RIMS1: variants seen among roughly 807,000 people sequenced by gnomAD.
RIMS1 encodes the protein regulating synaptic membrane exocytosis protein 1.
RIMS1 carries 83 observed loss-of-function variants against 214.1 expected under a neutral mutation model. The ratio of observed to expected loss-of-function variants is 0.39; its 90% CI spans 0.32 to 0.47. The LOEUF is 0.47. Ranked by LOEUF, RIMS1 falls within the 20% of genes least tolerant of loss-of-function variation. The pLI is 0.99. For synonymous variants in RIMS1, 793 were observed against 786.8 expected (o/e 1.01, Z -0.13); for missense variants, 2,050 against 2,161.8 (o/e 0.95, Z 1.03).
In RIMS1 at chr6:72,085,302, C is replaced by T. The variant is rs888981790; in HGVS notation, c.246-11647C>T. 3.3e-5 allele frequency among the ~76,000 whole-genome samples: 5 copies of T among 152,206 alleles called. No homozygotes were observed. The South Asian group carries it at 1.0e-3, about 32-fold the overall frequency. On this transcript the variant is annotated intron_variant, in intron 2 of 33. Transcript: ENST00000521978. ...ACATCTGGGGTAAATTTCTGAATTA[C>T]TGAGATATTTAGAATATTGCCTCTG...
rs957828027 is a variant in RIMS1 at position 72,010,932 on chromosome 6, C to G, written c.245+41869C>G. On this transcript the variant is annotated intron_variant, in intron 2 of 33. Transcript: ENST00000521978. ...GGTAATTTATAGATTCAATGCCATCCCCATCAAGCTACCAATGACTTTCTT... is the reference window on the plus strand; with the variant it reads ...GGTAATTTATAGATTCAATGCCATCGCCATCAAGCTACCAATGACTTTCTT... Among the ~76,000 whole-genome samples, 22 of 151,888 alleles carry G rather than the reference C, an allele frequency of 1.4e-4. No homozygotes were observed. The South Asian group carries it at 2.5e-3, about 17-fold the overall frequency.
intron 29 of RIMS1, among the ~76,000 whole-genome samples, chr6:72,356,281 G>A (rs62407520): frequency 0.05 from 7,615 of 151,548 alleles, 239 homozygotes; most frequent in South Asian, 0.088. Context: ...TTTGGAATTT[G>A]GAAATGTACT....
chr6:71,948,200 A>G (rs1788455921), intron 1 of RIMS1, among the ~76,000 whole-genome samples: 1 of 152,148 alleles, frequency 6.6e-6, no homozygotes, highest in African/African-American at 2.4e-5. Flanking sequence ...GGCCTCATAC[A>G]TATTACTAAA....
In RIMS1 at chr6:71,954,422, A is replaced by G. The variant is rs764241101; in HGVS notation, c.165-14561A>G. On this transcript the variant is annotated intron_variant, in intron 1 of 33. Coordinates refer to ENST00000521978, the MANE Select transcript of RIMS1 (RefSeq NM_014989.7). ...GCTTTAAAGCTCCTTTAAGATTTTC[A>G]TGTATATGAAACAATTCATCTTGAT... Among the ~76,000 whole-genome samples, 14 of 152,210 alleles carry G rather than the reference A, an allele frequency of 9.2e-5. 1 individual carries two copies. The highest frequency in any genetic ancestry group is 2.0e-4 in the Admixed American group (3 of 15,274).
At chr6:72,326,893 CAG>C (rs781599680) in intron 28 of RIMS1, among the ~76,000 whole-genome samples, 23 of 151,718 alleles carry the variant, frequency 1.5e-4, no homozygotes, top group Non-Finnish European at 3.1e-4. Context: ...CAGTCAAAGA[CAG>C]AGATATGACA....
intron 2 of RIMS1, among the ~76,000 whole-genome samples, chr6:72,042,092 A>C (rs1408662785): frequency 6.6e-6 from 1 of 151,976 alleles, no homozygotes; most frequent in Non-Finnish European, 1.5e-5. Flanking sequence ...GGTATCACGA[A>C]AACATTTTTT....
intron 2 of RIMS1, among the ~76,000 whole-genome samples, chr6:72,049,996 A>G (rs1034923381): frequency 6.6e-6 from 1 of 152,212 alleles, no homozygotes; most frequent in African/African-American, 2.4e-5. Flanking sequence ...TCTGCTTCCC[A>G]GAACTTACAG....
intron 1 of RIMS1, among the ~76,000 whole-genome samples, chr6:71,940,334 G>C (rs1785674031): frequency 6.6e-6 from 1 of 152,226 alleles, no homozygotes; most frequent in South Asian, 2.1e-4. Flanking sequence ...GCTAAACACA[G>C]GGTTCACACA....
chr6:72,018,402 G>A (rs950790702), intron 2 of RIMS1, among the ~76,000 whole-genome samples: 1 of 152,138 alleles, frequency 6.6e-6, no homozygotes. Context: ...GTTTGTGTGT[G>A]TGTGTTGGTA....
chr6:71,934,898 G>A (rs1248256967), intron 1 of RIMS1, among the ~76,000 whole-genome samples: 3 of 152,156 alleles, frequency 2.0e-5, no homozygotes, highest in Admixed American at 2.0e-4. Flanking sequence ...TAGAATTAAT[G>A]TGTATTTGTG....
At chr6:72,253,464 T>A (rs1350803308) in intron 16 of RIMS1, among the ~76,000 whole-genome samples, 3 of 152,208 alleles carry the variant, frequency 2.0e-5, no homozygotes, top group Non-Finnish European at 4.4e-5. Context: ...CTCATCTGAC[T>A]TCTGTCAGAA....
chr6:72,275,120 GTATATATATATATATATATATATATA>G (rs10526446), intron 23 of RIMS1, among the ~76,000 whole-genome samples: 6,903 of 81,394 alleles, frequency 0.085, 706 homozygotes, highest in Admixed American at 0.16. Flanking sequence ...CTATTTTATG[GTATATATATATATATATATATATATA>G]TATATATATA....
intron 8 of RIMS1, among the ~76,000 whole-genome samples, chr6:72,236,747 C>T (rs996057762): frequency 2.8e-5 from 4 of 140,934 alleles, no homozygotes; most frequent in African/African-American, 1.0e-4. Context: ...TTGGGTCACA[C>T]TTAAAGTACA....
intron 30 of RIMS1, among the ~76,000 whole-genome samples, chr6:72,392,258 A>C (rs1411130085): frequency 2.6e-5 from 4 of 152,252 alleles, no homozygotes; most frequent in Non-Finnish European, 5.9e-5. Flanking sequence ...GAATCAATTA[A>C]ATGTTTATAA....
At chr6:72,287,668 T>C (rs2092598751) in intron 24 of RIMS1, among the ~76,000 whole-genome samples, 1 of 151,804 alleles carries the variant, frequency 6.6e-6, no homozygotes, top group Non-Finnish European at 1.5e-5. Flanking sequence ...CGATGTTGGC[T>C]CACTGCAGCC....
At chr6:71,970,115 C>A (rs577192484) in intron 2 of RIMS1, among the ~76,000 whole-genome samples, 8 of 152,032 alleles carry the variant, frequency 5.3e-5, no homozygotes, top group Non-Finnish European at 1.0e-4. Flanking sequence ...GGTTTTACCC[C>A]AATAAGTATA....
At chr6:72,260,383 TACTC>T (rs1016284185) in intron 18 of RIMS1, among the ~76,000 whole-genome samples, 1 of 152,120 alleles carries the variant, frequency 6.6e-6, no homozygotes, top group Non-Finnish European at 1.5e-5. Flanking sequence ...ATTAAAAAAA[TACTC>T]AGTTGTCTAT....
chr6:72,114,174 A>G (rs2036627612), intron 4 of RIMS1, among the ~76,000 whole-genome samples: 1 of 152,082 alleles, frequency 6.6e-6, no homozygotes, highest in South Asian at 2.1e-4. Flanking sequence ...ATTTGACTTG[A>G]CACAATGTAG....
At chr6:72,004,226 T>A (rs1001931785) in intron 2 of RIMS1, among the ~76,000 whole-genome samples, 2 of 151,792 alleles carry the variant, frequency 1.3e-5, no homozygotes, top group African/African-American at 4.8e-5. Flanking sequence ...TGCATAGTAT[T>A]CCATGGTGTA....
Sources: gnomAD v4.1 joint callset for allele counts (sites outside exome capture counted in the v4.1 genomes callset) on GRCh38, gnomAD v4.1.1 for gene constraint, MANE v1.5 for transcripts, NCBI Gene and HGNC (gene_info 2026-07-23, HGNC 2026-07-21) for gene names.